The following PIGL variants were observed in gnomAD, a reference collection of about 807,000 sequenced individuals.
PIGL encodes N-acetylglucosaminyl-phosphatidylinositol de-N-acetylase.
In PIGL, 22 loss-of-function variants were observed where a neutral mutation model predicts 31.1. That is an observed-to-expected ratio of 0.71 (90% CI 0.51 to 1.01). PIGL has a LOEUF of 1.01. Ranked by LOEUF, PIGL falls within the 50% of genes least tolerant of loss-of-function variation. The probability of loss-of-function intolerance (pLI) is 0.00; values close to 1 mark genes in which losing one functional copy is unlikely to be tolerated. For synonymous variants in PIGL, 131 were observed against 117.4 expected, an observed-to-expected ratio of 1.12 and a Z score of -0.75; for missense variants, 302 against 315.9, an observed-to-expected ratio of 0.96 and a Z score of 0.33.
chr17:16,316,708 TAAA>T lies in PIGL; in HGVS notation c.523_525del (p.Lys175del). The T allele has an allele frequency of 6.2e-7, 1 of 1,608,742 alleles. No individual in the cohort carries two copies. Among genetic ancestry groups the T allele is most frequent in the Non-Finnish European group, 8.5e-7 (1 of 1,175,532 alleles). ...CCCTGCACTCAGAAGGGAAGTTACCTAAAGGTAAGGCTTGTTCCTTTTGCAAAG... is the reference window on the plus strand; with the variant it reads ...CCCTGCACTCAGAAGGGAAGTTACCTGGTAAGGCTTGTTCCTTTTGCAAAG... On this transcript the variant is annotated inframe_deletion and splice_region_variant, in exon 5 of 7. Coordinates refer to ENST00000225609, the MANE Select transcript of PIGL (RefSeq NM_004278.4).
At chr17:16,303,286 A>G (rs919495432) in intron 3 of PIGL, among the ~76,000 whole-genome samples, 7 of 152,182 alleles carry the variant, frequency 4.6e-5, no homozygotes, top group African/African-American at 1.7e-4. Context: ...AAACTAGACT[A>G]AGGCCTGTGA....
chr17:16,235,678 C>G (rs570471105), intron 2 of PIGL, among the ~76,000 whole-genome samples: 12 of 151,428 alleles, frequency 7.9e-5, no homozygotes, highest in African/African-American at 2.9e-4. Flanking sequence ...ATCTTGAACT[C>G]CCGACCTCAG....
chr17:16,281,858 G>A (rs893926567), intron 2 of PIGL, among the ~76,000 whole-genome samples: 3 of 152,178 alleles, frequency 2.0e-5, no homozygotes, highest in African/African-American at 7.2e-5. Context: ...TGGTACACAG[G>A]TGGGGTGCCC....
At position 16,262,427 on chromosome 17, in the gene PIGL, C is replaced by T. The variant is rs534008720; in HGVS notation, c.335+28357C>T. ...TTTTTAAAGGAAAAATAAAAGTGTT[C>T]GTGTGAATGCTGAGATATTGGAACC... On this transcript the variant is annotated intron_variant, in intron 2 of 6. Transcript: ENST00000225609. Among the ~76,000 whole-genome samples, 112 of 152,202 alleles carry T rather than the reference C, an allele frequency of 7.4e-4. No individual in the cohort carries two copies. In the South Asian group the frequency reaches 0.022, roughly 30 times the overall value.
At chr17:16,312,608 C>A (rs2142862676) in intron 3 of PIGL, 1 of 169,062 alleles carries the variant, frequency 5.9e-6, no homozygotes, top group Admixed American at 6.5e-5. Context: ...GAGATCACGC[C>A]ACTGCACTCC....
chr17:16,300,680 A>G (rs2142836907), intron 3 of PIGL, among the ~76,000 whole-genome samples: 1 of 151,626 alleles, frequency 6.6e-6, no homozygotes, highest in Admixed American at 6.6e-5. Flanking sequence ...ACTCTGTCTC[A>G]GAAAAAAAAA....
At chr17:16,282,665 C>T (rs1314993720) in intron 2 of PIGL, among the ~76,000 whole-genome samples, 1 of 152,158 alleles carries the variant, frequency 6.6e-6, no homozygotes, top group African/African-American at 2.4e-5. Context: ...AGGAAGGTAT[C>T]CTCCTCAAAC....
At chr17:16,265,262 G>A (rs746050434) in intron 2 of PIGL, among the ~76,000 whole-genome samples, 5 of 152,168 alleles carry the variant, frequency 3.3e-5, no homozygotes, top group African/African-American at 7.2e-5. Flanking sequence ...TGCTGATTAG[G>A]TCACATTCAT....
chr17:16,305,397 C>T (rs2093022322), intron 3 of PIGL, among the ~76,000 whole-genome samples: 1 of 152,120 alleles, frequency 6.6e-6, no homozygotes. Context: ...CCCACAGTTA[C>T]CTATTTATTG....
intron 2 of PIGL, among the ~76,000 whole-genome samples, chr17:16,246,946 C>T (rs1266674115): frequency 2.0e-5 from 3 of 151,886 alleles, no homozygotes; most frequent in Non-Finnish European, 4.4e-5. Flanking sequence ...GCCTCGGCCT[C>T]CCAAAGTGCT....
intron 2 of PIGL, among the ~76,000 whole-genome samples, chr17:16,246,257 C>T (rs762978290): frequency 6.6e-6 from 1 of 151,644 alleles, no homozygotes; most frequent in Non-Finnish European, 1.5e-5. Context: ...CGGTGGCTCA[C>T]ACCTGTAATC....
At chr17:16,264,613 TTA>T (rs2092834206) in intron 2 of PIGL, among the ~76,000 whole-genome samples, 1 of 12,228 alleles carries the variant, frequency 8.2e-5, no homozygotes, top group African/African-American at 9.0e-5. Context: ...ATTATTATTA[TTA>T]TTATTATTAT....
chr17:16,245,052 G>T (rs1055359909), intron 2 of PIGL, among the ~76,000 whole-genome samples: 2 of 151,934 alleles, frequency 1.3e-5, no homozygotes, highest in East Asian at 3.9e-4. Flanking sequence ...GAGTGTAATG[G>T]TGCAATCTCG....
intron 2 of PIGL, among the ~76,000 whole-genome samples, chr17:16,293,514 G>A (rs1297934339): frequency 1.3e-5 from 2 of 152,142 alleles, no homozygotes; most frequent in Non-Finnish European, 2.9e-5. Flanking sequence ...GGTGACAGAA[G>A]GAGACTCCGT....
intron 2 of PIGL, among the ~76,000 whole-genome samples, chr17:16,255,218 C>T (rs1011030668): frequency 2.6e-5 from 4 of 152,138 alleles, no homozygotes; most frequent in Admixed American, 6.6e-5. Context: ...GAAAGTTCTT[C>T]TTTTTTCTCT....
At chr17:16,217,636 G>GCA in intron 1 of PIGL, 175 bp downstream of exon 1, 3 of 525,254 alleles carry the variant, frequency 5.7e-6, no homozygotes, top group Non-Finnish European at 1.0e-5. Context: ...CTTACCTGGT[G>GCA]GGTTGGGGGA....
At position 16,313,578 on chromosome 17, in the gene PIGL, G is replaced by A; in HGVS notation, c.458G>A (p.Gly153Asp). The stretch of plus-strand genomic sequence containing the variant: ...ACTTTCGATGCAGGGGGAGTAAGTG[G>A]CCACAGCAATCACATTGCTCTGTAT... ...VVTFDAGGVS[G>D]HSNHIALYAA... The change falls in exon 4 of 7, where the codon GGC becomes GAC. Residue 153 changes from glycine (G) to aspartate (D), a missense_variant. Coordinates refer to ENST00000225609, the MANE Select transcript of PIGL (RefSeq NM_004278.4). 5.6e-6 allele frequency: 9 copies of A among 1,613,974 alleles called. No homozygotes were observed. Among genetic ancestry groups the A allele is most frequent in the Non-Finnish European group, 7.6e-6 (9 of 1,179,824 alleles).
intron 2 of PIGL, among the ~76,000 whole-genome samples, chr17:16,276,254 G>A (rs7211819): frequency 0.043 from 6,485 of 152,250 alleles, 456 homozygotes; most frequent in African/African-American, 0.15. Context: ...GGCAATTGTT[G>A]AAACCAAGTT....
At chr17:16,323,227 T>C (rs140798631) in intron 6 of PIGL, among the ~76,000 whole-genome samples, 4 of 152,058 alleles carry the variant, frequency 2.6e-5, no homozygotes, top group African/African-American at 9.6e-5. Context: ...TGTGTGTGTA[T>C]ATGTGGTCTT....
Sources: gnomAD v4.1 joint callset for allele counts (sites outside exome capture counted in the v4.1 genomes callset) on GRCh38, gnomAD v4.1.1 for gene constraint, MANE v1.5 for transcripts, NCBI Gene and HGNC (gene_info 2026-07-23, HGNC 2026-07-21) for gene names.